SLC24A2: variants seen among roughly 807,000 people sequenced by gnomAD.
SLC24A2 encodes the protein solute carrier family 24 member 2, also known as sodium/potassium/calcium exchanger 2.
In SLC24A2, 36 loss-of-function variants were observed where a neutral mutation model predicts 62.0. The observed-to-expected ratio is 0.58, with a 90% CI of 0.44 to 0.77. The LOEUF (loss-of-function observed/expected upper bound fraction) is 0.77, where lower values mean the gene tolerates loss of function less well. Ranked by LOEUF, SLC24A2 falls within the 30% of genes least tolerant of loss-of-function variation. SLC24A2 has a pLI of 0.00. For synonymous variants in SLC24A2, 358 were observed against 294.0 expected, an observed-to-expected ratio of 1.22 and a Z score of -2.23; for missense variants, 846 against 817.9, an observed-to-expected ratio of 1.03 and a Z score of -0.42.
At chr9:19,990,138 T>C in the SLC24A2 span, among the ~76,000 whole-genome samples, 3 of 152,290 alleles carry the variant, frequency 2.0e-5, no homozygotes, top group Admixed American at 6.5e-5. Context: ...TCTCATTTAA[T>C]CATCACCATA....
chr9:19,719,221 C>T (rs1162088772), intron 2 of SLC24A2, among the ~76,000 whole-genome samples: 1 of 152,168 alleles, frequency 6.6e-6, no homozygotes, highest in East Asian at 1.9e-4. Flanking sequence ...TAGCATTGAG[C>T]TTTGGGTAGG....
the SLC24A2 span, among the ~76,000 whole-genome samples, chr9:20,270,801 C>A: frequency 6.6e-6 from 1 of 152,086 alleles, no homozygotes; most frequent in African/African-American, 2.4e-5. Flanking sequence ...ATTTTAAAAA[C>A]AAAAATGTTT....
the SLC24A2 span, among the ~76,000 whole-genome samples, chr9:20,065,120 C>G: frequency 6.6e-6 from 1 of 152,176 alleles, no homozygotes; most frequent in Non-Finnish European, 1.5e-5. Flanking sequence ...AACAACGAAT[C>G]CTACAGCTCA....
At chr9:19,935,041 ATTTAT>A in the SLC24A2 span, among the ~76,000 whole-genome samples, 7 of 151,194 alleles carry the variant, frequency 4.6e-5, no homozygotes, top group Admixed American at 1.3e-4. Flanking sequence ...TATTTTATTT[ATTTAT>A]TTTATTTTAT....
chr9:20,090,038 A>T, the SLC24A2 span, among the ~76,000 whole-genome samples: 1 of 152,056 alleles, frequency 6.6e-6, no homozygotes, highest in African/African-American at 2.4e-5. Context: ...AGCTATCTTC[A>T]GACTAAAAAA....
At chr9:19,954,981 A>ATT in the SLC24A2 span, among the ~76,000 whole-genome samples, 16 of 151,108 alleles carry the variant, frequency 1.1e-4, no homozygotes, top group African/African-American at 2.2e-4. Flanking sequence ...GGAGGCTGCC[A>ATT]TTTTTTTTTA....
chr9:19,539,104 T>C (rs2132700599), intron 8 of SLC24A2, among the ~76,000 whole-genome samples: 1 of 74,118 alleles, frequency 1.3e-5, no homozygotes. Context: ...TTTTTTTCTT[T>C]ATTAGTCTTG....
At chr9:20,291,916 G>A in the SLC24A2 span, among the ~76,000 whole-genome samples, 18 of 152,270 alleles carry the variant, frequency 1.2e-4, no homozygotes, top group Admixed American at 5.2e-4. Context: ...TATGCTCTGG[G>A]TGGGGAAAAT....
chr9:20,085,110 C>T, the SLC24A2 span, among the ~76,000 whole-genome samples: 10 of 152,198 alleles, frequency 6.6e-5, no homozygotes, highest in Non-Finnish European at 1.3e-4. Flanking sequence ...GTACTCCCAC[C>T]TCAGCCTCCA....
the SLC24A2 span, among the ~76,000 whole-genome samples, chr9:20,222,189 A>G: frequency 6.6e-6 from 1 of 152,066 alleles, no homozygotes; most frequent in African/African-American, 2.4e-5. Flanking sequence ...TGACAACTAA[A>G]ATAATGGGAA....
the SLC24A2 span, among the ~76,000 whole-genome samples, chr9:20,075,049 G>A: frequency 6.6e-6 from 1 of 152,148 alleles, no homozygotes; most frequent in African/African-American, 2.4e-5. Flanking sequence ...CTGATTTTCT[G>A]TTGAACTAAA....
chr9:19,529,095 T>C (rs563267078), intron 8 of SLC24A2, among the ~76,000 whole-genome samples: 13 of 152,344 alleles, frequency 8.5e-5, no homozygotes, highest in Admixed American at 7.8e-4. Flanking sequence ...GACAGCACAA[T>C]GCTGTCAGAG....
At chr9:19,979,880 A>C in the SLC24A2 span, among the ~76,000 whole-genome samples, 1 of 152,214 alleles carries the variant, frequency 6.6e-6, no homozygotes, top group Non-Finnish European at 1.5e-5. Context: ...TGCATTTGCA[A>C]TATGGTGATA....
At chr9:20,204,585 G>A in the SLC24A2 span, among the ~76,000 whole-genome samples, 77 of 152,188 alleles carry the variant, frequency 5.1e-4, no homozygotes, top group African/African-American at 1.7e-3. Flanking sequence ...GCAATGGGAG[G>A]TAAAGCTGCT....
the SLC24A2 span, among the ~76,000 whole-genome samples, chr9:19,971,492 C>T: frequency 6.6e-6 from 1 of 152,228 alleles, no homozygotes; most frequent in Non-Finnish European, 1.5e-5. Context: ...GGCCAAGCCA[C>T]TTCCAGGCAG....
the SLC24A2 span, among the ~76,000 whole-genome samples, chr9:20,252,117 A>T: frequency 6.6e-6 from 1 of 152,210 alleles, no homozygotes; most frequent in Non-Finnish European, 1.5e-5. Context: ...CACAAAGACT[A>T]CAAGACAATG....
At chr9:19,841,062 A>C in the SLC24A2 span, among the ~76,000 whole-genome samples, 2 of 152,130 alleles carry the variant, frequency 1.3e-5, no homozygotes, top group African/African-American at 4.8e-5. Flanking sequence ...ATTGGCTTAA[A>C]TGAACACAAA....
chr9:20,173,189 T>C, the SLC24A2 span, among the ~76,000 whole-genome samples: 1 of 151,998 alleles, frequency 6.6e-6, no homozygotes, highest in South Asian at 2.1e-4. Context: ...CTCAATTTAA[T>C]AAAAGCCACC....
At position 19,632,309 on chromosome 9, in the gene SLC24A2, T is replaced by C. The variant is rs747229151; in HGVS notation, c.931-10010A>G. ...CCATGTTATTCCCTCTTGCTCCATT[T>C]GCCAAATATCCTCCTTCACGGCATT... On this transcript the variant is annotated intron_variant, in intron 2 of 10. Transcript: ENST00000341998. This position sits in a 1 kb window ranked among gnomAD's most constrained non-coding sequence, Gnocchi z 4.5. 1.3e-5 allele frequency among the ~76,000 whole-genome samples: 2 copies of C among 152,224 alleles called. No homozygotes were observed. The highest frequency in any genetic ancestry group is 2.9e-5 in the Non-Finnish European group (2 of 68,046).
Sources: allele counts gnomAD v4.1 joint callset (sites outside exome capture counted in the v4.1 genomes callset), GRCh38; gene constraint gnomAD v4.1.1; non-coding constraint Gnocchi (gnomAD v3.1); transcripts MANE v1.5; gene names NCBI Gene and HGNC (gene_info 2026-07-23, HGNC 2026-07-21).